The following CADPS variants were observed in gnomAD, a reference collection of about 807,000 sequenced individuals.
CADPS encodes calcium dependent secretion activator.
A neutral mutation model predicts 167.3 loss-of-function variants in CADPS; 57 were observed. The observed-to-expected ratio is 0.34, with a 90% CI of 0.28 to 0.42. The LOEUF is 0.42. CADPS is among the 20% of genes least tolerant of loss of function. The probability of loss-of-function intolerance (pLI) is 1.00; values close to 1 mark genes in which losing one functional copy is unlikely to be tolerated. For missense variants in CADPS, 1,414 were observed against 1,738.1 expected (o/e 0.81, Z 3.32); for synonymous variants, 676 against 635.3 (o/e 1.06, Z -0.96).
At chr3:62,625,833 A>C (rs375610723) in intron 6 of CADPS, 4 of 150,972 alleles carry the variant, frequency 2.6e-5, no homozygotes, top group Non-Finnish European at 5.9e-5. Context: ...CAACAGAAGC[A>C]ATCTGCAGTT....
chr3:62,410,919 A>G (rs1306948289), intron 28 of CADPS, among the ~76,000 whole-genome samples: 2 of 152,154 alleles, frequency 1.3e-5, no homozygotes, highest in African/African-American at 4.8e-5. Context: ...AGCCTGAGCA[A>G]CACAGTGAGA....
At chr3:62,447,170 T>G (rs564040397) in intron 26 of CADPS, among the ~76,000 whole-genome samples, 18 of 152,330 alleles carry the variant, frequency 1.2e-4, no homozygotes, top group African/African-American at 4.1e-4. Context: ...TCATGCCAAG[T>G]TCCTTAGCCT....
At chr3:62,402,259 G>T (rs1706625057) in intron 29 of CADPS, among the ~76,000 whole-genome samples, 1 of 147,888 alleles carries the variant, frequency 6.8e-6, no homozygotes, top group Non-Finnish European at 1.5e-5. Flanking sequence ...GGGTGCCCAG[G>T]AGTGGGTGTT....
chr3:62,583,506 A>T (rs929440489), intron 8 of CADPS, among the ~76,000 whole-genome samples: 1 of 152,170 alleles, frequency 6.6e-6, no homozygotes, highest in East Asian at 1.9e-4. Context: ...TGGACACTTG[A>T]CAAAGGACTG....
chr3:62,533,181 C>T (rs2074059380), intron 12 of CADPS, 123 bp from the exon 13 acceptor site: 1 of 766,166 alleles, frequency 1.3e-6, no homozygotes, highest in South Asian at 1.8e-5. Context: ...TCCTTGATTG[C>T]CTATTATGTG....
At chr3:62,774,962 A>G (rs1320804100) in intron 1 of CADPS, among the ~76,000 whole-genome samples, 3 of 152,266 alleles carry the variant, frequency 2.0e-5, no homozygotes, top group East Asian at 1.9e-4. Flanking sequence ...TTTATACTCA[A>G]TTACATTAAA....
At chr3:62,734,133 T>C (rs1564458747) in intron 3 of CADPS, among the ~76,000 whole-genome samples, 1 of 152,178 alleles carries the variant, frequency 6.6e-6, no homozygotes, top group Non-Finnish European at 1.5e-5. Context: ...TAATGACTCC[T>C]AAAAGGGCGA....
At chr3:62,594,201 G>T (rs1037465758) in intron 6 of CADPS, among the ~76,000 whole-genome samples, 2 of 138,222 alleles carry the variant, frequency 1.4e-5, no homozygotes, top group African/African-American at 2.6e-5. Context: ...TCGCTCTGTC[G>T]CCCAGGCTGG....
At chr3:62,525,652 T>A (rs1187629364) in intron 13 of CADPS, among the ~76,000 whole-genome samples, 3 of 148,040 alleles carry the variant, frequency 2.0e-5, no homozygotes, top group Non-Finnish European at 4.5e-5. Context: ...GGAAAAAGGG[T>A]TGAGAAGCAC....
At chr3:62,499,123 A>G in intron 18 of CADPS, 39 bp downstream of exon 18, 1 of 1,294,792 alleles carries the variant, frequency 7.7e-7, no homozygotes, top group Non-Finnish European at 1.1e-6. Flanking sequence ...AAGCTCAGCT[A>G]AGGGACAGTA....
intron 18 of CADPS, among the ~76,000 whole-genome samples, chr3:62,497,125 A>C (rs1336122811): frequency 6.6e-6 from 1 of 152,204 alleles, no homozygotes; most frequent in East Asian, 1.9e-4. Flanking sequence ...ACAGCGAGAA[A>C]GGGCTTTTTG....
chr3:62,423,543 A>G (rs2051942064), intron 28 of CADPS, among the ~76,000 whole-genome samples: 1 of 152,244 alleles, frequency 6.6e-6, no homozygotes, highest in South Asian at 2.1e-4. Flanking sequence ...GTTTTTGCCT[A>G]AGATATTATA....
chr3:62,863,174 A>T (rs531727255), intron 1 of CADPS, among the ~76,000 whole-genome samples: 16 of 152,322 alleles, frequency 1.1e-4, no homozygotes, highest in African/African-American at 3.8e-4. Flanking sequence ...ACAGTTATAC[A>T]TTGAAGTAAG....
chr3:62,441,462 C>G (rs77904753), intron 27 of CADPS, among the ~76,000 whole-genome samples: 4 of 152,294 alleles, frequency 2.6e-5, no homozygotes, highest in Non-Finnish European at 4.4e-5. Context: ...GAATGCAAAT[C>G]TCCTACATAT....
chr3:62,606,078 T>C (rs1271434565), intron 6 of CADPS, among the ~76,000 whole-genome samples: 15 of 152,110 alleles, frequency 9.9e-5, no homozygotes, highest in Non-Finnish European at 1.5e-5. Flanking sequence ...CACTGGCCCT[T>C]CCTGACCCCA....
In CADPS at chr3:62,753,560, G is replaced by T; in HGVS notation, c.769C>A (p.Arg257=). Residue 257 remains arginine (R), a synonymous_variant, in exon 3 of 30, where the codon CGG becomes AGG. Coordinates refer to ENST00000383710, the MANE Select transcript of CADPS (RefSeq NM_003716.4). The surrounding 1 kb of genome is among the most constrained non-coding windows in gnomAD (Gnocchi z 4.6). ...GEEDPRKQQA[R]MTASAASELI... ...TCGGAGGCTGCGCTGGCTGTCATCCGGGCCTGCTGCTTCCGCGGGTCCTCT... is the reference window on the plus strand; with the variant it reads ...TCGGAGGCTGCGCTGGCTGTCATCCTGGCCTGCTGCTTCCGCGGGTCCTCT... 2 of 1,614,050 alleles carry T rather than the reference G, an allele frequency of 1.2e-6. No individual in the cohort carries two copies. The highest frequency in any genetic ancestry group is 1.7e-6 in the Non-Finnish European group (2 of 1,180,010).
chr3:62,421,643 C>A lies in CADPS; in HGVS notation c.3777+16461G>T, dbSNP rs543793228. Reference sequence around the variant, plus strand: ...GGCTTCGTTCCCCCACCCCTCCTGACGCTTCCCCCTTTTCCCCCCAAAGGA... The same window carrying A: ...GGCTTCGTTCCCCCACCCCTCCTGAAGCTTCCCCCTTTTCCCCCCAAAGGA... On this transcript the variant is annotated intron_variant, in intron 28 of 29. Coordinates refer to ENST00000383710, the MANE Select transcript of CADPS (RefSeq NM_003716.4). The surrounding 1 kb of genome is among the most constrained non-coding windows in gnomAD (Gnocchi z 4.7). Among the ~76,000 whole-genome samples, 1 of 152,204 alleles carries A rather than the reference C, an allele frequency of 6.6e-6. No individual in the cohort carries two copies. The highest frequency in any genetic ancestry group is 1.5e-5 in the Non-Finnish European group (1 of 68,034).
chr3:62,459,112 G>C (rs935400547), intron 26 of CADPS, among the ~76,000 whole-genome samples: 17 of 152,204 alleles, frequency 1.1e-4, no homozygotes, highest in African/African-American at 4.1e-4. Context: ...GAAAGAAACT[G>C]ATAGAAGATA....
intron 3 of CADPS, among the ~76,000 whole-genome samples, chr3:62,737,871 T>C (rs2079326826): frequency 6.6e-6 from 1 of 152,152 alleles, no homozygotes; most frequent in Non-Finnish European, 1.5e-5. Context: ...GTCTACATAA[T>C]CTCAAATACC....
Sources: gnomAD v4.1 joint callset for allele counts (sites outside exome capture counted in the v4.1 genomes callset) on GRCh38, gnomAD v4.1.1 for gene constraint, Gnocchi (gnomAD v3.1) non-coding constraint, MANE v1.5 for transcripts, NCBI Gene and HGNC (gene_info 2026-07-23, HGNC 2026-07-21) for gene names.